Variants in BCO1 observed in about 807,000 individuals in gnomAD.
BCO1 encodes beta,beta-carotene 15,15'-dioxygenase.
BCO1 carries 54 observed loss-of-function variants against 56.3 expected under a neutral mutation model. The observed-to-expected ratio is 0.96, with a 90% confidence interval of 0.77 to 1.20. The LOEUF (loss-of-function observed/expected upper bound fraction) is 1.20. BCO1 is among the 50% of genes most tolerant of loss of function. The pLI, the probability that BCO1 is intolerant of heterozygous loss-of-function variation, is 0.00. For synonymous variants in BCO1, 318 were observed against 266.1 expected, an observed-to-expected ratio of 1.20 and a Z score of -1.90; for missense variants, 801 against 690.9, an observed-to-expected ratio of 1.16 and a Z score of -1.79.
chr16:81,245,462 T>C lies in BCO1; in HGVS notation c.65-13T>C. The C allele has an allele frequency of 1.2e-6, 2 of 1,614,154 alleles. No homozygotes were observed. The highest frequency in any genetic ancestry group is 1.6e-4 in the Middle Eastern group (1 of 6,062). ...GGTGGAAACGGGAAACTAAACATTC[T>C]CTCTTTTCTCAGGCAAGATTCCAGC... is the stretch of plus-strand genomic sequence containing the variant. On this transcript the variant is annotated splice_polypyrimidine_tract_variant and intron_variant, in intron 1 of 10. Transcript: ENST00000258168.
In BCO1 at chr16:81,267,622, G is replaced by T. The variant is rs568665712; in HGVS notation, c.620-286G>T. On this transcript the variant is annotated intron_variant, in intron 5 of 10. Transcript: ENST00000258168. ...AGGGAGACTCTATCTCAGACAAACC[G>T]GTGGAGGCAGGATTTAGCCCCCAGG... Among the ~76,000 whole-genome samples, 284 of 152,172 alleles carry T rather than the reference G, an allele frequency of 1.9e-3. 6 individuals carry two copies. In the South Asian group the frequency reaches 0.058, roughly 31 times the overall value.
chr16:81,266,303 C>T (rs1476910222), intron 5 of BCO1, among the ~76,000 whole-genome samples: 2 of 152,128 alleles, frequency 1.3e-5, no homozygotes, highest in African/African-American at 4.8e-5. Flanking sequence ...GGCTCTTAGC[C>T]CATGTTTGTC....
chr16:81,268,269 A>G (rs768026412), intron 6 of BCO1, 138 bp downstream of exon 6: 3 of 808,580 alleles, frequency 3.7e-6, no homozygotes, highest in Non-Finnish European at 6.2e-6. Flanking sequence ...CCCACCTTCC[A>G]GCAAGTTCTG....
At chr16:81,267,465 T>C (rs1906898532) in intron 5 of BCO1, among the ~76,000 whole-genome samples, 2 of 152,114 alleles carry the variant, frequency 1.3e-5, no homozygotes, top group Admixed American at 1.3e-4. Flanking sequence ...ATGCAAAAAT[T>C]AGCCAAGCAT....
intron 2 of BCO1, among the ~76,000 whole-genome samples, chr16:81,254,813 T>A (rs1906027299): frequency 6.6e-6 from 1 of 152,056 alleles, no homozygotes; most frequent in African/African-American, 2.4e-5. Flanking sequence ...GTTTCTCTTT[T>A]TGAGGCAGGG....
intron 6 of BCO1, 147 bp from the exon 7 acceptor site, chr16:81,270,011 TG>T: frequency 3.0e-6 from 3 of 991,638 alleles, no homozygotes; most frequent in South Asian, 1.3e-5. Flanking sequence ...TTTGCCTGTC[TG>T]GTGTTGTGGA....
At chr16:81,267,858 G>A (rs757510166) in intron 5 of BCO1, 50 bp from the exon 6 acceptor site, 4 of 1,546,088 alleles carry the variant, frequency 2.6e-6, no homozygotes, top group Non-Finnish European at 3.6e-6. Context: ...GGTCTTGGGG[G>A]GGCAGCCAGA....
At chr16:81,270,637 C>G (rs961446703) in intron 7 of BCO1, among the ~76,000 whole-genome samples, 6 of 146,302 alleles carry the variant, frequency 4.1e-5, no homozygotes, top group Non-Finnish European at 9.3e-5. Flanking sequence ...AAACCTACCA[C>G]CGAAGATGAT....
chr16:81,287,441 C>A (rs373199983), intron 10 of BCO1, 35 bp downstream of exon 10: 105 of 1,527,292 alleles, frequency 6.9e-5, no homozygotes, highest in Non-Finnish European at 8.9e-5. Context: ...AGTTGCTGCA[C>A]GTTACTGCAG....
intron 7 of BCO1, among the ~76,000 whole-genome samples, chr16:81,272,080 C>A (rs1212093827): frequency 3.4e-5 from 5 of 148,536 alleles, no homozygotes; most frequent in Non-Finnish European, 7.4e-5. Flanking sequence ...TTAATAGGTA[C>A]ATACTATCTT....
At chr16:81,244,312 T>C (rs1905271503) in intron 1 of BCO1, among the ~76,000 whole-genome samples, 1 of 152,184 alleles carries the variant, frequency 6.6e-6, no homozygotes. Flanking sequence ...GTAGAAACAT[T>C]GAAAAAAGTC....
intron 2 of BCO1, among the ~76,000 whole-genome samples, chr16:81,250,010 A>C (rs931190857): frequency 2.0e-5 from 3 of 152,124 alleles, no homozygotes; most frequent in African/African-American, 7.2e-5. Flanking sequence ...TGGTAGACAG[A>C]GGCAATACTT....
In BCO1 at chr16:81,287,366, C is replaced by G; in HGVS notation, c.1374C>G (p.Pro458=). The change falls in exon 10 of 11, where the codon CCC becomes CCG. Residue 458 remains proline, a synonymous_variant. Transcript: ENST00000258168. ...WREDDCWPAE[P]LFVPAPGAKD... ...AGGACGACTGCTGGCCAGCGGAACC[C>G]CTGTTTGTGCCCGCGCCAGGTGCCA... 6.2e-7 allele frequency: 1 copy of G among 1,614,068 alleles called. No individual in the cohort carries two copies. Among genetic ancestry groups the G allele is most frequent in the Admixed American group, 1.7e-5 (1 of 60,014 alleles).
At chr16:81,288,113 C>A (rs1908286085) in intron 10 of BCO1, among the ~76,000 whole-genome samples, 1 of 152,132 alleles carries the variant, frequency 6.6e-6, no homozygotes, top group African/African-American at 2.4e-5. Context: ...ATAGAGGTGA[C>A]CTCCCAGAAG....
At position 81,238,880 on chromosome 16, in the gene BCO1, A is replaced by T. The variant is rs2151921550; in HGVS notation, c.-29A>T. 6.2e-7 allele frequency: 1 copy of T among 1,607,756 alleles called. No homozygotes were observed. Among genetic ancestry groups the T allele is most frequent in the Admixed American group, 1.7e-5 (1 of 59,976 alleles). On this transcript the variant is annotated 5_prime_UTR_variant, in exon 1 of 11. Coordinates refer to ENST00000258168, the MANE Select transcript of BCO1 (RefSeq NM_017429.3). The stretch of plus-strand genomic sequence containing the variant: ...CACAGAGGAGCACCTGTTTGCTGTT[A>T]AAATCGATCTCCCTCGGCACCCTGA...
chr16:81,270,700 G>C (rs1369513645), intron 7 of BCO1, among the ~76,000 whole-genome samples: 1 of 151,086 alleles, frequency 6.6e-6, no homozygotes, highest in Admixed American at 6.6e-5. Flanking sequence ...GTCTGTGTGT[G>C]TGTGTGTGTG....
At chr16:81,283,590 T>C (rs963524721) in intron 8 of BCO1, among the ~76,000 whole-genome samples, 1 of 152,068 alleles carries the variant, frequency 6.6e-6, no homozygotes, top group Non-Finnish European at 1.5e-5. Context: ...CTTCTTCTTA[T>C]CTAAGTATGG....
At chr16:81,290,158 C>T (rs975825484) in intron 10 of BCO1, among the ~76,000 whole-genome samples, 190 bp from the exon 11 acceptor site, 8 of 152,278 alleles carry the variant, frequency 5.3e-5, no homozygotes, top group East Asian at 1.9e-4. Context: ...CCACCGCGCC[C>T]GGCCTAGAAC....
intron 5 of BCO1, 118 bp from the exon 6 acceptor site, chr16:81,267,790 C>T (rs1597363374): frequency 2.4e-6 from 2 of 831,102 alleles, no homozygotes; most frequent in Admixed American, 4.0e-5. Flanking sequence ...CTACACGTTG[C>T]TGTTTAATGT....
Sources: gnomAD v4.1 joint callset for allele counts (sites outside exome capture counted in the v4.1 genomes callset) on GRCh38, gnomAD v4.1.1 for gene constraint, MANE v1.5 for transcripts, NCBI Gene and HGNC (gene_info 2026-07-23, HGNC 2026-07-21) for gene names.